The following SLCO3A1 variants were observed in gnomAD, a reference collection of about 807,000 sequenced individuals.
SLCO3A1 encodes PGE1 transporter.
In SLCO3A1, 27 loss-of-function variants were observed where a neutral mutation model predicts 63.1. The observed-to-expected ratio is 0.43, with a 90% CI of 0.32 to 0.59. SLCO3A1 has a LOEUF of 0.59. Ranked by LOEUF, SLCO3A1 falls within the 20% of genes least tolerant of loss-of-function variation. SLCO3A1 has a pLI of 0.09. For missense variants in SLCO3A1, 773 were observed against 945.8 expected (o/e 0.82, Z 2.40); for synonymous variants, 473 against 409.9 (o/e 1.15, Z -1.86).
chr15:92,067,183 G>A (rs1326920181), intron 2 of SLCO3A1, among the ~76,000 whole-genome samples: 2 of 149,348 alleles, frequency 1.3e-5, no homozygotes, highest in Non-Finnish European at 3.0e-5. Flanking sequence ...GCTCCCTCAG[G>A]CCAAGGGAAT....
intron 3 of SLCO3A1, among the ~76,000 whole-genome samples, 158 bp from the exon 4 acceptor site, chr15:92,104,121 G>A (rs896077579): frequency 6.6e-6 from 1 of 152,214 alleles, no homozygotes; most frequent in African/African-American, 2.4e-5. Context: ...AACCGCTGGT[G>A]TGGAACAATA....
chr15:92,013,424 G>A (rs1475777096), intron 2 of SLCO3A1, among the ~76,000 whole-genome samples: 2 of 152,184 alleles, frequency 1.3e-5, no homozygotes, highest in African/African-American at 2.4e-5. Context: ...ATGGTGATCT[G>A]ACCTCAACCC....
intron 7 of SLCO3A1, among the ~76,000 whole-genome samples, chr15:92,133,652 G>A (rs1203892742): frequency 6.9e-6 from 1 of 145,218 alleles, no homozygotes; most frequent in Non-Finnish European, 1.5e-5. Context: ...GTGCCTTAGG[G>A]GAATCTAATG....
chr15:92,143,779 G>T (rs1274089828), intron 7 of SLCO3A1, among the ~76,000 whole-genome samples: 4 of 151,708 alleles, frequency 2.6e-5, no homozygotes, highest in Admixed American at 2.6e-4. Context: ...CTGCGTAACT[G>T]TCAGGAAAAC....
intron 7 of SLCO3A1, among the ~76,000 whole-genome samples, chr15:92,144,291 C>A (rs2048191426): frequency 6.6e-6 from 1 of 152,168 alleles, no homozygotes; most frequent in Non-Finnish European, 1.5e-5. Context: ...GAGAGCATCT[C>A]AGAGACGTGG....
At chr15:92,117,921 T>G (rs1432122817) in intron 4 of SLCO3A1, among the ~76,000 whole-genome samples, 1 of 152,242 alleles carries the variant, frequency 6.6e-6, no homozygotes, top group African/African-American at 2.4e-5. Flanking sequence ...ATTTGTACCA[T>G]ACTTTAAACA....
At chr15:92,018,954 A>C (rs28689627) in intron 2 of SLCO3A1, among the ~76,000 whole-genome samples, 8,057 of 152,028 alleles carry the variant, frequency 0.053, 723 homozygotes, top group African/African-American at 0.18. Flanking sequence ...CATATGGGGA[A>C]TTTTTTTCCC....
At chr15:91,880,381 T>TTCTC (rs71464533) in intron 1 of SLCO3A1, among the ~76,000 whole-genome samples, 19 of 121,784 alleles carry the variant, frequency 1.6e-4, no homozygotes, top group Non-Finnish European at 2.5e-4. Flanking sequence ...GCACTCGTGC[T>TTCTC]TCTCTCTCTC....
At chr15:92,020,962 T>C (rs376070889) in intron 2 of SLCO3A1, among the ~76,000 whole-genome samples, 3 of 152,234 alleles carry the variant, frequency 2.0e-5, no homozygotes, top group African/African-American at 7.2e-5. Flanking sequence ...TGTGATCTCA[T>C]GTAAGTTGCA....
intron 2 of SLCO3A1, among the ~76,000 whole-genome samples, chr15:91,937,302 C>G (rs777125562): frequency 2.0e-5 from 3 of 152,326 alleles, no homozygotes; most frequent in South Asian, 4.1e-4. Flanking sequence ...AAAGCACTCT[C>G]TAGGTGCCAG....
chr15:92,147,737 C>G (rs1214981871), intron 8 of SLCO3A1, among the ~76,000 whole-genome samples: 1 of 152,154 alleles, frequency 6.6e-6, no homozygotes, highest in Non-Finnish European at 1.5e-5. Flanking sequence ...AACCGAAATT[C>G]TATTGTTACC....
chr15:92,093,553 G>A (rs2047503075), intron 2 of SLCO3A1, among the ~76,000 whole-genome samples: 2 of 152,150 alleles, frequency 1.3e-5, no homozygotes, highest in South Asian at 2.1e-4. Flanking sequence ...CCTTTGCCCG[G>A]TATTTAAAAA....
In SLCO3A1 at chr15:92,078,057, G is replaced by A. The variant is rs562972952; in HGVS notation, c.647-16824G>A. Among the ~76,000 whole-genome samples, 14 of 152,240 alleles carry A rather than the reference G, an allele frequency of 9.2e-5. No homozygotes were observed. In the South Asian group the frequency reaches 1.5e-3, roughly 16 times the overall value. On this transcript the variant is annotated intron_variant, in intron 2 of 9. Transcript: ENST00000318445. ...GTGTCTAAAGGCCCTAGCACATGGCGGGTATTTAATTAAGAATGATTTTGT... is the reference window on the plus strand; with the variant it reads ...GTGTCTAAAGGCCCTAGCACATGGCAGGTATTTAATTAAGAATGATTTTGT...
intron 1 of SLCO3A1, among the ~76,000 whole-genome samples, chr15:91,858,026 C>T (rs1330998226): frequency 6.6e-6 from 1 of 152,122 alleles, no homozygotes; most frequent in African/African-American, 2.4e-5. Context: ...TATCTCACTG[C>T]TTTGTAGTCA....
At chr15:92,107,973 A>C (rs947426469) in intron 4 of SLCO3A1, among the ~76,000 whole-genome samples, 3 of 152,220 alleles carry the variant, frequency 2.0e-5, no homozygotes, top group African/African-American at 7.2e-5. Flanking sequence ...TCCTGTCTAT[A>C]GATGAGAAAA....
intron 5 of SLCO3A1, among the ~76,000 whole-genome samples, chr15:92,124,173 T>C (rs948336920): frequency 1.3e-5 from 2 of 152,144 alleles, no homozygotes; most frequent in Non-Finnish European, 2.9e-5. Flanking sequence ...GGGGCAGAGC[T>C]CAGAGAAGAG....
At chr15:92,073,487 G>A (rs1360156610) in intron 2 of SLCO3A1, among the ~76,000 whole-genome samples, 1 of 152,136 alleles carries the variant, frequency 6.6e-6, no homozygotes, top group Non-Finnish European at 1.5e-5. Context: ...TTTTCCTTTG[G>A]CAGAAAAGAG....
chr15:91,957,027 A>G (rs7163231), intron 2 of SLCO3A1, among the ~76,000 whole-genome samples: 1 of 332 alleles, frequency 3.0e-3, no homozygotes, highest in East Asian at 0.071. Flanking sequence ...AGTATATATA[A>G]TATATAATAT....
chr15:91,947,293 A>G (rs57202468), intron 2 of SLCO3A1, among the ~76,000 whole-genome samples: 3,478 of 152,284 alleles, frequency 0.023, 131 homozygotes, highest in African/African-American at 0.08. Flanking sequence ...ACATAGGAAA[A>G]GCAGCTTATC....
Sources: gnomAD v4.1 joint callset for allele counts (sites outside exome capture counted in the v4.1 genomes callset) on GRCh38, gnomAD v4.1.1 for gene constraint, MANE v1.5 for transcripts, NCBI Gene and HGNC (gene_info 2026-07-23, HGNC 2026-07-21) for gene names.